The following CNBD1 variants were observed in gnomAD, a reference collection of about 807,000 sequenced individuals.
CNBD1 encodes cyclic nucleotide binding domain containing 1, also known as cyclic nucleotide-binding domain-containing protein 1.
Under a neutral mutation model 54.4 loss-of-function variants are expected in CNBD1, and 71 were observed. The ratio of observed to expected loss-of-function variants is 1.30; its 90% CI spans 1.08 to 1.59. The LOEUF (loss-of-function observed/expected upper bound fraction) is 1.59. Ranked by LOEUF, CNBD1 falls within the 40% of genes most tolerant of loss-of-function variation. The probability of loss-of-function intolerance (pLI) is 0.00; values close to 1 mark genes in which losing one functional copy is unlikely to be tolerated. For missense variants in CNBD1, 659 were observed against 518.0 expected (o/e 1.27, Z -2.64); for synonymous variants, 182 against 170.7 (o/e 1.07, Z -0.51).
chr8:87,296,620 C>CATGT (rs1563541489), intron 8 of CNBD1, among the ~76,000 whole-genome samples: 2 of 150,264 alleles, frequency 1.3e-5, no homozygotes, highest in East Asian at 3.9e-4. Context: ...TATATATACA[C>CATGT]ATATATATAC....
intron 2 of CNBD1, among the ~76,000 whole-genome samples, chr8:87,410,867 A>T (rs775971486): frequency 1.3e-5 from 2 of 152,112 alleles, no homozygotes; most frequent in Admixed American, 6.6e-5. Flanking sequence ...TGTTCACATC[A>T]AGGAAAGACC....
intron 5 of CNBD1, among the ~76,000 whole-genome samples, chr8:87,214,029 C>A (rs2130803522): frequency 6.6e-6 from 1 of 152,320 alleles, no homozygotes. Context: ...TCTCCTTTAA[C>A]TCTATGTCTC....
intron 4 of CNBD1, among the ~76,000 whole-genome samples, chr8:87,015,292 C>G (rs1168547949): frequency 6.6e-6 from 1 of 152,136 alleles, no homozygotes; most frequent in Non-Finnish European, 1.5e-5. Context: ...ATGCCATTCT[C>G]TTGCATCAGC....
intron 4 of CNBD1, among the ~76,000 whole-genome samples, chr8:87,157,154 A>G (rs1812759135): frequency 6.6e-6 from 1 of 152,160 alleles, no homozygotes; most frequent in African/African-American, 2.4e-5. Flanking sequence ...ACAAGATAAT[A>G]TTGTAGTTTT....
chr8:86,919,065 T>C (rs1346965078), intron 3 of CNBD1, among the ~76,000 whole-genome samples: 2 of 152,040 alleles, frequency 1.3e-5, no homozygotes, highest in African/African-American at 4.8e-5. Flanking sequence ...AACTTTAATT[T>C]TGCCCCTATA....
At chr8:87,011,906 G>A (rs1397139439) in intron 4 of CNBD1, among the ~76,000 whole-genome samples, 1 of 152,094 alleles carries the variant, frequency 6.6e-6, no homozygotes, top group Non-Finnish European at 1.5e-5. Context: ...GTGCTTGAAG[G>A]GGGAAAACAG....
intron 4 of CNBD1, among the ~76,000 whole-genome samples, chr8:87,191,942 A>G (rs1463768026): frequency 1.3e-5 from 2 of 152,334 alleles, no homozygotes; most frequent in African/African-American, 4.8e-5. Context: ...AGATTTTCCT[A>G]AATTTGACAA....
intron 2 of CNBD1, among the ~76,000 whole-genome samples, chr8:87,416,180 A>G (rs1056990158): frequency 6.6e-6 from 1 of 152,004 alleles, no homozygotes; most frequent in Non-Finnish European, 1.5e-5. Context: ...CACACAAAAA[A>G]TCCACAATTC....
At chr8:87,302,829 T>C (rs1304897035) in intron 8 of CNBD1, among the ~76,000 whole-genome samples, 1 of 151,954 alleles carries the variant, frequency 6.6e-6, no homozygotes, top group Non-Finnish European at 1.5e-5. Context: ...ACAAGCATTC[T>C]TATACACCAG....
intron 10 of CNBD1, among the ~76,000 whole-genome samples, chr8:87,376,037 A>T (rs1810924048): frequency 6.6e-6 from 1 of 151,944 alleles, no homozygotes; most frequent in African/African-American, 2.4e-5. Context: ...ATGAAGGATT[A>T]TAACATCAAA....
chr8:86,895,343 T>A (rs1808834577), intron 2 of CNBD1, among the ~76,000 whole-genome samples: 2 of 152,152 alleles, frequency 1.3e-5, no homozygotes, highest in South Asian at 4.1e-4. Context: ...TATACCACAG[T>A]GTTTTTATCC....
intron 4 of CNBD1, among the ~76,000 whole-genome samples, chr8:87,189,460 T>C (rs7004003): frequency 0.086 from 13,084 of 152,162 alleles, 1,728 homozygotes; most frequent in African/African-American, 0.28. Flanking sequence ...AAAGGAAATA[T>C]GCTACTATAG....
intron 4 of CNBD1, among the ~76,000 whole-genome samples, chr8:86,972,773 G>T (rs1384863452): frequency 6.6e-6 from 1 of 152,164 alleles, no homozygotes; most frequent in Non-Finnish European, 1.5e-5. Flanking sequence ...TGAAAAGAGG[G>T]TGAGGTCTGA....
chr8:87,319,258 A>C lies in CNBD1; in HGVS notation c.1043-32427A>C, dbSNP rs114457967. Among the ~76,000 whole-genome samples the C allele has an allele frequency of 3.8e-3, 582 of 152,234 alleles. 2 individuals are homozygous for C. The highest frequency in any genetic ancestry group is 0.013 in the African/African-American group (545 of 41,554). On this transcript the variant is annotated intron_variant, in intron 8 of 10. Transcript: ENST00000518476. ...AGGAGGAAGCAAGGAAGGGGGTAATAATTCAATGCTTGATGTGGAAGTAGA... is the reference window on the plus strand; with the variant it reads ...AGGAGGAAGCAAGGAAGGGGGTAATCATTCAATGCTTGATGTGGAAGTAGA...
At chr8:87,317,162 A>G (rs1358142167) in intron 8 of CNBD1, among the ~76,000 whole-genome samples, 6 of 151,872 alleles carry the variant, frequency 4.0e-5, no homozygotes, top group Admixed American at 2.6e-4. Flanking sequence ...CCTTGGTTTC[A>G]TTAATTTTCT....
At chr8:87,426,262 C>T (rs1028696876) in intron 2 of CNBD1, among the ~76,000 whole-genome samples, 1 of 152,212 alleles carries the variant, frequency 6.6e-6, no homozygotes, top group Non-Finnish European at 1.5e-5. Flanking sequence ...GATGGAAATG[C>T]AGAAATCACC....
intron 4 of CNBD1, among the ~76,000 whole-genome samples, chr8:87,085,563 G>A (rs994168036): frequency 6.6e-6 from 1 of 152,110 alleles, no homozygotes; most frequent in East Asian, 1.9e-4. Context: ...TATCCTCAGT[G>A]CACTGCTGAT....
At chr8:87,117,974 A>G (rs2130711935) in intron 4 of CNBD1, among the ~76,000 whole-genome samples, 1 of 152,278 alleles carries the variant, frequency 6.6e-6, no homozygotes, top group East Asian at 1.9e-4. Context: ...GGTAAAGACA[A>G]TAATAAACCA....
intron 7 of CNBD1, among the ~76,000 whole-genome samples, chr8:87,285,977 G>C (rs1180732775): frequency 6.6e-6 from 1 of 152,212 alleles, no homozygotes; most frequent in Admixed American, 6.5e-5. Context: ...CCTGCAGAAA[G>C]CTGGCATAAG....
Sources: gnomAD v4.1 joint callset for allele counts (sites outside exome capture counted in the v4.1 genomes callset) on GRCh38, gnomAD v4.1.1 for gene constraint, MANE v1.5 for transcripts, NCBI Gene and HGNC (gene_info 2026-07-23, HGNC 2026-07-21) for gene names.